Variants in IPP observed in about 807,000 individuals in gnomAD.
The protein encoded by IPP is actin-binding protein IPP.
IPP carries 41 observed loss-of-function variants against 64.1 expected under a neutral mutation model. That is an observed-to-expected ratio of 0.64 (90% CI 0.50 to 0.83). IPP has a LOEUF of 0.83. IPP is among the 40% of genes least tolerant of loss of function. The pLI is 0.00. For missense variants in IPP, 649 were observed against 703.0 expected (o/e 0.92, Z 0.87); for synonymous variants, 214 against 235.2 (o/e 0.91, Z 0.83).
At chr1:45,697,041 A>G (rs936981186), downstream of IPP, 5 of 152,214 alleles carry the variant, frequency 3.3e-5, no homozygotes, top group Admixed American at 3.3e-4. Context: ...GAAATAGTAA[A>G]GGCACATGAG....
At position 45,719,452 on chromosome 1, in the gene IPP, C is replaced by T. The variant is rs1645703190; in HGVS notation, c.1049-112G>A. The T allele has an allele frequency of 2.9e-5, 19 of 663,246 alleles. No individual in the cohort carries two copies. In the South Asian group the frequency reaches 4.4e-4, roughly 15 times the overall value. The allele number at this position is 663,246 out of a possible 1,614,324, so 41.1% of individuals were successfully genotyped here. On this transcript the variant is annotated intron_variant, in intron 5 of 8. Transcript: ENST00000396478. ...ATCGTCAAAAATTCAACCATTATGTCTGATTTTATACTATTCATTAACTTT... is the reference window on the plus strand; with the variant it reads ...ATCGTCAAAAATTCAACCATTATGTTTGATTTTATACTATTCATTAACTTT...
At chr1:45,701,428 C>T (rs1645454085) in intron 8 of IPP, among the ~76,000 whole-genome samples, 1 of 152,218 alleles carries the variant, frequency 6.6e-6, no homozygotes, top group Admixed American at 6.5e-5. Context: ...GCTGGGATTA[C>T]AGGAACCCGC....
At chr1:45,694,911 A>C (rs767301451), downstream of IPP, 81 of 155,654 alleles carry the variant, frequency 5.2e-4, 1 homozygote, top group Non-Finnish European at 8.8e-4. Flanking sequence ...TTTGAGATGG[A>C]GTTTCATTCT....
rs1428143999 is a variant in IPP at position 45,714,384 on chromosome 1, A to G, written c.1392T>C (p.Arg464=). 7 of 1,614,070 alleles carry G rather than the reference A, an allele frequency of 4.3e-6. No homozygotes were observed. Among genetic ancestry groups the G allele is most frequent in the East Asian group, 2.2e-5 (1 of 44,880 alleles). The part of the protein sequence containing the change: ...SFEVYDPLSK[R]WSPLPPMGTR... Reference sequence around the variant, plus strand: ...TTCCCATTGGAGGAAGTGGAGACCAACGCTTAGAAAGTGGATCATAGACTT... The same window carrying G: ...TTCCCATTGGAGGAAGTGGAGACCAGCGCTTAGAAAGTGGATCATAGACTT... The change falls in exon 8 of 9, where the codon CGT becomes CGC. Residue 464 remains arginine (R), a synonymous_variant. Coordinates refer to ENST00000396478, the MANE Select transcript of IPP (RefSeq NM_005897.3).
intron 5 of IPP, 133 bp from the exon 6 acceptor site, chr1:45,719,473 AC>A: frequency 1.8e-6 from 1 of 567,852 alleles, no homozygotes; most frequent in East Asian, 3.1e-5. Flanking sequence ...CTATTCATTA[AC>A]TTTCATTTGC....
chr1:45,701,444 C>A (rs976343000), intron 8 of IPP, among the ~76,000 whole-genome samples: 4 of 152,286 alleles, frequency 2.6e-5, no homozygotes, highest in Admixed American at 6.5e-5. Flanking sequence ...CCCGCCACCA[C>A]GCCTGGCTAA....
chr1:45,706,647 C>T (rs1201468168), intron 8 of IPP, among the ~76,000 whole-genome samples: 1 of 152,074 alleles, frequency 6.6e-6, no homozygotes, highest in Non-Finnish European at 1.5e-5. Context: ...GACAGGGTTT[C>T]ACCATGTTGG....
chr1:45,742,285 G>C (rs1310885984), intron 2 of IPP, among the ~76,000 whole-genome samples: 2 of 151,856 alleles, frequency 1.3e-5, no homozygotes, highest in Non-Finnish European at 1.5e-5. Flanking sequence ...GATTAACTGG[G>C]GGACAAAATT....
At chr1:45,721,536 CA>C (rs1253360541) in intron 5 of IPP, among the ~76,000 whole-genome samples, 1 of 152,236 alleles carries the variant, frequency 6.6e-6, no homozygotes, top group Non-Finnish European at 1.5e-5. Context: ...GGAAAGCTGT[CA>C]ACTGGTTCCT....
At chr1:45,718,936 T>C (rs895612539) in intron 6 of IPP, among the ~76,000 whole-genome samples, 6 of 151,176 alleles carry the variant, frequency 4.0e-5, no homozygotes, top group African/African-American at 1.5e-4. Flanking sequence ...TAAGACCTAG[T>C]ATTTGATAGT....
intron 3 of IPP, among the ~76,000 whole-genome samples, chr1:45,739,551 G>C (rs1646032294): frequency 1.3e-5 from 2 of 150,562 alleles, no homozygotes; most frequent in African/African-American, 4.9e-5. Context: ...CATTGCACCT[G>C]GCCTAAAGTA....
chr1:45,750,332 G>A (rs1646204596), intron 1 of IPP, among the ~76,000 whole-genome samples: 1 of 152,182 alleles, frequency 6.6e-6, no homozygotes, highest in Admixed American at 6.5e-5. Context: ...AGACAAACGA[G>A]GCGACAACAG....
chr1:45,733,739 G>A (rs1332473112), intron 3 of IPP, among the ~76,000 whole-genome samples: 1 of 151,850 alleles, frequency 6.6e-6, no homozygotes, highest in Non-Finnish European at 1.5e-5. Flanking sequence ...GGCTGAGGCA[G>A]GAGAATCGAT....
intron 6 of IPP, 95 bp from the exon 7 acceptor site, chr1:45,717,112 A>G: frequency 8.8e-7 from 1 of 1,139,492 alleles, no homozygotes; most frequent in Non-Finnish European, 1.3e-6. Flanking sequence ...ACTTCATATT[A>G]TAGATATCAC....
At chr1:45,726,188 G>A (rs372968301) in intron 5 of IPP, among the ~76,000 whole-genome samples, 1 of 151,560 alleles carries the variant, frequency 6.6e-6, no homozygotes, top group East Asian at 1.9e-4. Context: ...GCCGGGCATG[G>A]TGGCTCATGT....
Position 45,716,977 on chromosome 1 carries a change from T to G in IPP, c.1227A>C (p.Arg409=). ...CCCATTTATTTTCATCAGGATCAAA[T>G]CGTTCAATGGTGTTCCCTATCTCAG... ...VGAEIGNTIE[R]FDPDENKWEV... is the part of the protein sequence containing the mutation. The change falls in exon 7 of 9, where the codon CGA becomes CGC. Residue 409 remains arginine (R), a synonymous_variant. Coordinates refer to ENST00000396478, the MANE Select transcript of IPP (RefSeq NM_005897.3). 6.2e-7 allele frequency: 1 copy of G among 1,613,358 alleles called. No homozygotes were observed.
chr1:45,733,535 A>G (rs1233387940), intron 3 of IPP, among the ~76,000 whole-genome samples: 1 of 151,616 alleles, frequency 6.6e-6, no homozygotes, highest in Non-Finnish European at 1.5e-5. Flanking sequence ...ACATAGGAGA[A>G]TCATTATAAT....
intron 1 of IPP, among the ~76,000 whole-genome samples, chr1:45,749,899 T>G (rs2148589331): frequency 6.6e-6 from 1 of 152,218 alleles, no homozygotes; most frequent in South Asian, 2.1e-4. Context: ...AAAATTGTTT[T>G]AACATTAGCT....
At chr1:45,743,606 A>G (rs983085800) in intron 2 of IPP, among the ~76,000 whole-genome samples, 1 of 151,980 alleles carries the variant, frequency 6.6e-6, no homozygotes, top group East Asian at 1.9e-4. Flanking sequence ...TCCTACAGGT[A>G]CTCAGGAGGC....
Sources: gnomAD v4.1 joint callset for allele counts (sites outside exome capture counted in the v4.1 genomes callset) on GRCh38, gnomAD v4.1.1 for gene constraint, MANE v1.5 for transcripts, NCBI Gene and HGNC (gene_info 2026-07-23, HGNC 2026-07-21) for gene names.